Variants in ZMAT4 observed in about 807,000 individuals in gnomAD.
ZMAT4 encodes the protein zinc finger matrin-type protein 4.
ZMAT4 carries 17 observed loss-of-function variants against 28.7 expected under a neutral mutation model. The observed-to-expected ratio is 0.59, with a 90% CI of 0.41 to 0.89. The LOEUF (loss-of-function observed/expected upper bound fraction) is 0.89. ZMAT4 is among the 40% of genes least tolerant of loss of function. The pLI, the probability that ZMAT4 is intolerant of heterozygous loss-of-function variation, is 0.00. For synonymous variants in ZMAT4, 117 were observed against 109.2 expected (o/e 1.07, Z -0.44); for missense variants, 240 against 283.8 (o/e 0.85, Z 1.11).
intron 1 of ZMAT4, among the ~76,000 whole-genome samples, chr8:40,846,832 T>G (rs911577204): frequency 6.6e-6 from 1 of 152,194 alleles, no homozygotes; most frequent in African/African-American, 2.4e-5. Context: ...GTCATCATTT[T>G]ATAGGGAACA....
At position 40,897,762 on chromosome 8, in the gene ZMAT4, A is replaced by C. The variant is rs1019647369; in HGVS notation, c.-84T>G. The C allele has an allele frequency of 6.6e-6, 1 of 152,194 alleles. No individual in the cohort carries two copies. Among genetic ancestry groups the C allele is most frequent in the African/African-American group, 2.4e-5 (1 of 41,442 alleles). The allele number at this position is 152,194 out of a possible 1,614,324, so 9.4% of individuals were successfully genotyped here. A position where few individuals can be genotyped will look rare whatever the true frequency, so the allele number is the denominator to read the frequency against. On this transcript the variant is annotated 5_prime_UTR_variant, in exon 1 of 7. Transcript: ENST00000297737. Reference sequence around the variant, plus strand: ...GCAGTAGAGCGAAGCTGTGGGCTGGAGCACGCTGAGGATTACACGTTCCTG... The same window carrying C: ...GCAGTAGAGCGAAGCTGTGGGCTGGCGCACGCTGAGGATTACACGTTCCTG...
chr8:40,782,948 C>T (rs967590221), intron 2 of ZMAT4, among the ~76,000 whole-genome samples: 4 of 152,168 alleles, frequency 2.6e-5, no homozygotes, highest in African/African-American at 7.2e-5. Flanking sequence ...GAAATTGAGA[C>T]CTTACACACT....
intron 2 of ZMAT4, among the ~76,000 whole-genome samples, chr8:40,782,263 G>A (rs1348085240): frequency 6.6e-6 from 1 of 152,070 alleles, no homozygotes; most frequent in Non-Finnish European, 1.5e-5. Flanking sequence ...GTGGGTGCCT[G>A]TAGTCCCAGC....
chr8:40,632,327 T>G (rs78863114), intron 5 of ZMAT4, among the ~76,000 whole-genome samples: 5 of 152,222 alleles, frequency 3.3e-5, no homozygotes, highest in Non-Finnish European at 5.9e-5. Context: ...GATTTTTTTT[T>G]GGAAAGCCAT....
chr8:40,569,459 G>A (rs527653374), intron 6 of ZMAT4, among the ~76,000 whole-genome samples: 43 of 152,288 alleles, frequency 2.8e-4, no homozygotes, highest in African/African-American at 1.0e-3. Flanking sequence ...TTGGTGAAAT[G>A]TATGAGAAGG....
chr8:40,811,351 G>A (rs931009294), intron 2 of ZMAT4, among the ~76,000 whole-genome samples: 3 of 152,178 alleles, frequency 2.0e-5, no homozygotes, highest in African/African-American at 7.2e-5. Context: ...AGGGAAAGGG[G>A]ATACATGATC....
chr8:40,560,774 G>GCC (rs57030658), intron 6 of ZMAT4, among the ~76,000 whole-genome samples: 1,711 of 152,134 alleles, frequency 0.011, 37 homozygotes, highest in African/African-American at 0.039. Context: ...ACCTAGAAAT[G>GCC]CCCCCACTGT....
At chr8:40,774,606 T>A (rs1813512993) in intron 2 of ZMAT4, among the ~76,000 whole-genome samples, 1 of 151,818 alleles carries the variant, frequency 6.6e-6, no homozygotes, top group Admixed American at 6.6e-5. Context: ...ACAAGAGGGA[T>A]AAATATTGTA....
At chr8:40,668,435 A>G (rs1808527462) in intron 5 of ZMAT4, among the ~76,000 whole-genome samples, 1 of 144,546 alleles carries the variant, frequency 6.9e-6, no homozygotes, top group South Asian at 2.2e-4. Context: ...GCGCCACTGC[A>G]CTCTAGCTTG....
intron 5 of ZMAT4, among the ~76,000 whole-genome samples, chr8:40,587,466 A>G (rs1224024074): frequency 6.6e-6 from 1 of 152,204 alleles, no homozygotes; most frequent in Non-Finnish European, 1.5e-5. Flanking sequence ...ATGTACAGGC[A>G]TGTAAAATCT....
At chr8:40,879,283 C>A (rs1479605314) in intron 1 of ZMAT4, among the ~76,000 whole-genome samples, 2 of 152,120 alleles carry the variant, frequency 1.3e-5, no homozygotes, top group African/African-American at 4.8e-5. Context: ...ATTAGCCAGG[C>A]ATGGTGGCTC....
intron 1 of ZMAT4, among the ~76,000 whole-genome samples, chr8:40,872,816 T>C (rs1817910047): frequency 6.6e-6 from 1 of 152,210 alleles, no homozygotes; most frequent in Non-Finnish European, 1.5e-5. Flanking sequence ...AGATTTTGCT[T>C]GTCTTTAGTT....
At chr8:40,722,848 C>T (rs538878460) in intron 3 of ZMAT4, among the ~76,000 whole-genome samples, 26 of 152,160 alleles carry the variant, frequency 1.7e-4, no homozygotes, top group Non-Finnish European at 3.8e-4. Flanking sequence ...TACATCTCCA[C>T]CTGTGAGCGT....
chr8:40,814,540 G>A (rs149291611), intron 2 of ZMAT4, among the ~76,000 whole-genome samples: 2 of 152,262 alleles, frequency 1.3e-5, no homozygotes, highest in African/African-American at 4.8e-5. Flanking sequence ...GTTTTATCAA[G>A]GCTACCAAGG....
At chr8:40,720,183 T>C (rs1811018811) in intron 3 of ZMAT4, among the ~76,000 whole-genome samples, 1 of 152,236 alleles carries the variant, frequency 6.6e-6, no homozygotes, top group South Asian at 2.1e-4. Context: ...AACATGGTCA[T>C]GATTCATGAT....
intron 5 of ZMAT4, among the ~76,000 whole-genome samples, chr8:40,615,952 C>A (rs1379825082): frequency 6.6e-6 from 1 of 152,096 alleles, no homozygotes; most frequent in Non-Finnish European, 1.5e-5. Context: ...AACAGGCAAC[C>A]TACAAAATGG....
chr8:40,574,999 C>G (rs1804215298), intron 6 of ZMAT4, among the ~76,000 whole-genome samples: 1 of 152,172 alleles, frequency 6.6e-6, no homozygotes, highest in African/African-American at 2.4e-5. Context: ...TGGAGTGTGA[C>G]CTGTTCTGGG....
chr8:40,843,951 A>T (rs1816788577), intron 1 of ZMAT4, among the ~76,000 whole-genome samples: 1 of 152,148 alleles, frequency 6.6e-6, no homozygotes. Context: ...CCTCAATTTT[A>T]TAGGCTATGT....
chr8:40,574,493 A>G (rs1052461692), intron 6 of ZMAT4, among the ~76,000 whole-genome samples: 2 of 152,208 alleles, frequency 1.3e-5, no homozygotes, highest in South Asian at 4.1e-4. Flanking sequence ...CAGACAGAAT[A>G]TAAGTAAGGA....
Sources: gnomAD v4.1 joint callset for allele counts (sites outside exome capture counted in the v4.1 genomes callset) on GRCh38, gnomAD v4.1.1 for gene constraint, MANE v1.5 for transcripts, NCBI Gene and HGNC (gene_info 2026-07-23, HGNC 2026-07-21) for gene names.